Variants in CFAP57 observed in about 807,000 individuals in gnomAD.
CFAP57 encodes cilia and flagella associated protein 57.
A neutral mutation model predicts 146.8 loss-of-function variants in CFAP57; 116 were observed. The ratio of observed to expected loss-of-function variants is 0.79; its 90% CI spans 0.68 to 0.92. The LOEUF is 0.92. Ranked by LOEUF, CFAP57 falls within the 40% of genes least tolerant of loss-of-function variation. The pLI is 0.00. For synonymous variants in CFAP57, 518 were observed against 552.8 expected (o/e 0.94, Z 0.88); for missense variants, 1,377 against 1,527.2 (o/e 0.90, Z 1.64).
At chr1:43,246,092 CA>C (rs1646104674) in intron 22 of CFAP57, among the ~76,000 whole-genome samples, 1 of 152,166 alleles carries the variant, frequency 6.6e-6, no homozygotes, top group Non-Finnish European at 1.5e-5. Context: ...GTTAAGATGT[CA>C]GTACTACCCA....
At chr1:43,192,119 T>A (rs914595829) in intron 6 of CFAP57, among the ~76,000 whole-genome samples, 1 of 152,232 alleles carries the variant, frequency 6.6e-6, no homozygotes, top group African/African-American at 2.4e-5. Flanking sequence ...ATTATTTCTA[T>A]TCTTTTAAAT....
intron 2 of CFAP57, among the ~76,000 whole-genome samples, chr1:43,178,337 T>C (rs376545711): frequency 6.6e-6 from 1 of 151,894 alleles, no homozygotes; most frequent in Non-Finnish European, 1.5e-5. Flanking sequence ...AAACTACCAT[T>C]AGAGTGAACA....
rs1273971449 is a variant in CFAP57, at chr1:43,181,572, A to G, written c.196A>G (p.Ser66Gly). ...KSQGMLALSI[S>G]PNRRYLAISE... ...TCAGGGCATGTTGGCCTTGTCCATC[A>G]GTCCCAATCGGCGGTACCTCGCTAT... Residue 66 changes from serine (S) to glycine (G), a missense_variant, in exon 3 of 23, where the codon AGT becomes GGT. Physicochemically the swap from Ser to Gly is moderately conservative, Grantham distance 56. Coordinates refer to ENST00000372492, the MANE Select transcript of CFAP57 (RefSeq NM_001378189.1). 1.2e-6 allele frequency: 2 copies of G among 1,614,210 alleles called. No individual in the cohort carries two copies. Among genetic ancestry groups the G allele is most frequent in the African/African-American group, 1.3e-5 (1 of 75,052 alleles).
intron 21 of CFAP57, among the ~76,000 whole-genome samples, chr1:43,235,631 C>T (rs1442320450): frequency 6.6e-6 from 1 of 152,160 alleles, no homozygotes; most frequent in Non-Finnish European, 1.5e-5. Context: ...AGTCCATCTA[C>T]CCTTTGCCCT....
At chr1:43,182,406 C>T (rs373664494) in intron 3 of CFAP57, among the ~76,000 whole-genome samples, 3 of 152,152 alleles carry the variant, frequency 2.0e-5, no homozygotes, top group East Asian at 3.8e-4. Context: ...TCTTGGTTCA[C>T]TCACCCTAGT....
intron 21 of CFAP57, among the ~76,000 whole-genome samples, chr1:43,241,415 AT>A (rs916837454): frequency 6.6e-6 from 1 of 151,974 alleles, no homozygotes; most frequent in African/African-American, 2.4e-5. Flanking sequence ...GAGGAAAAGA[AT>A]CATTGCGGTG....
intron 10 of CFAP57, among the ~76,000 whole-genome samples, chr1:43,208,558 A>G (rs1484635154): frequency 6.6e-6 from 1 of 152,206 alleles, no homozygotes; most frequent in Non-Finnish European, 1.5e-5. Context: ...AAAACGAAAC[A>G]CCGCATATTC....
At chr1:43,205,017 C>T (rs1176829785) in intron 9 of CFAP57, among the ~76,000 whole-genome samples, 1 of 152,072 alleles carries the variant, frequency 6.6e-6, no homozygotes, top group Admixed American at 6.5e-5. Flanking sequence ...CCTATGTTAA[C>T]GGGTCTTTGT....
chr1:43,213,381 T>C (rs1431624793), intron 11 of CFAP57, among the ~76,000 whole-genome samples: 1 of 152,234 alleles, frequency 6.6e-6, no homozygotes. Context: ...CATGATTTCA[T>C]TCATTTTTTA....
rs184024100 is a variant in CFAP57, at chr1:43,245,178, A to C, written c.3538+1819A>C. On this transcript the variant is annotated intron_variant, in intron 22 of 22. Coordinates refer to ENST00000372492, the MANE Select transcript of CFAP57 (RefSeq NM_001378189.1). ...ACAAAAATCAGCCGGGCATGATGGC[A>C]TATGCCTGTAGTCCCAGCTATTCGG... Among the ~76,000 whole-genome samples the C allele has an allele frequency of 2.0e-5, 3 of 151,734 alleles. No individual in the cohort carries two copies. The East Asian group carries it at 5.9e-4, about 30-fold the overall frequency.
At chr1:43,252,485 C>T (rs752027723) in intron 22 of CFAP57, among the ~76,000 whole-genome samples, 2 of 151,824 alleles carry the variant, frequency 1.3e-5, no homozygotes, top group Admixed American at 6.6e-5. Context: ...GAAGCAAATG[C>T]AAATTTTCTC....
At chr1:43,220,315 G>A (rs1025260977) in intron 13 of CFAP57, among the ~76,000 whole-genome samples, 2 of 152,204 alleles carry the variant, frequency 1.3e-5, no homozygotes, top group African/African-American at 4.8e-5. Flanking sequence ...GCAGAATACT[G>A]ATTCCTGGAT....
intron 12 of CFAP57, among the ~76,000 whole-genome samples, chr1:43,216,307 A>G (rs1394202803): frequency 1.3e-5 from 2 of 152,338 alleles, no homozygotes; most frequent in East Asian, 3.9e-4. Context: ...ACTGCCACAA[A>G]GCACGGTGAC....
At chr1:43,248,953 C>T (rs1646222995) in intron 22 of CFAP57, among the ~76,000 whole-genome samples, 1 of 151,860 alleles carries the variant, frequency 6.6e-6, no homozygotes, top group Non-Finnish European at 1.5e-5. Context: ...GTGATCTCGG[C>T]TCAGTGCAAG....
intron 19 of CFAP57, 50 bp from the exon 20 acceptor site, chr1:43,234,229 C>A: frequency 1.4e-6 from 2 of 1,479,392 alleles, no homozygotes; most frequent in South Asian, 1.3e-5. Context: ...GCCCCCGCCC[C>A]TCCACCGAGA....
chr1:43,229,265 G>T (rs1482393685), intron 18 of CFAP57, among the ~76,000 whole-genome samples: 1 of 148,878 alleles, frequency 6.7e-6, no homozygotes, highest in Non-Finnish European at 1.5e-5. Context: ...CAGCACACCT[G>T]GGGGGACCAT....
intron 6 of CFAP57, among the ~76,000 whole-genome samples, chr1:43,195,297 G>A (rs1024368581): frequency 1.3e-5 from 2 of 152,114 alleles, no homozygotes; most frequent in African/African-American, 2.4e-5. Flanking sequence ...GCTGAGGCGG[G>A]TGGATCACAA....
chr1:43,226,687 A>G (rs952536901), intron 17 of CFAP57, among the ~76,000 whole-genome samples: 4 of 152,254 alleles, frequency 2.6e-5, no homozygotes, highest in African/African-American at 9.6e-5. Context: ...GCTGTAGAAC[A>G]GCTGGAGTGT....
rs12146124 is a variant in CFAP57 at position 43,248,858 on chromosome 1, C to T, written c.3539-5119C>T. On this transcript the variant is annotated intron_variant, in intron 22 of 22. Coordinates refer to ENST00000372492, the MANE Select transcript of CFAP57 (RefSeq NM_001378189.1). ...AGAACAATTCCACAACTTTTAGAAA[C>T]ATATTTCTCCATATCATAACCTTTT... Among the ~76,000 whole-genome samples, 400 of 140,920 alleles carry T rather than the reference C, an allele frequency of 2.8e-3. 2 individuals carry two copies. The highest frequency in any genetic ancestry group is 0.016 in the South Asian group (69 of 4,208). 92.4% of individuals were successfully genotyped at this position (140,920 alleles called of 152,430 possible).
Sources: allele counts gnomAD v4.1 joint callset (sites outside exome capture counted in the v4.1 genomes callset), GRCh38; gene constraint gnomAD v4.1.1; transcripts MANE v1.5; gene names NCBI Gene and HGNC (gene_info 2026-07-23, HGNC 2026-07-21).